GLIS1: variants seen among roughly 807,000 people sequenced by gnomAD.
GLIS1 encodes GLIS family zinc finger 1, also known as zinc finger protein GLIS1.
In GLIS1, 24 loss-of-function variants were observed where a neutral mutation model predicts 63.8. The ratio of observed to expected loss-of-function variants is 0.38; its 90% CI spans 0.27 to 0.53. The LOEUF (loss-of-function observed/expected upper bound fraction) is 0.53. Ranked by LOEUF, GLIS1 falls within the 20% of genes least tolerant of loss-of-function variation. GLIS1 has a pLI of 0.85. For synonymous variants in GLIS1, 450 were observed against 482.5 expected (o/e 0.93, Z 0.88); for missense variants, 1,036 against 1,074.1 (o/e 0.96, Z 0.50).
chr1:53,687,380 T>G (rs1162851716), intron 2 of GLIS1, among the ~76,000 whole-genome samples: 1 of 152,194 alleles, frequency 6.6e-6, no homozygotes, highest in Admixed American at 6.5e-5. Context: ...GTTCTTTCAC[T>G]AATTATTTAC....
At chr1:53,638,398 TC>T (rs34524087) in intron 2 of GLIS1, among the ~76,000 whole-genome samples, 74,514 of 151,928 alleles carry the variant, frequency 0.49, 21,511 homozygotes, top group Non-Finnish European at 0.63. Flanking sequence ...GGGGCAGGCC[TC>T]CCCCAGGCCA....
At chr1:53,673,435 G>A (rs751792424) in intron 2 of GLIS1, among the ~76,000 whole-genome samples, 24 of 152,248 alleles carry the variant, frequency 1.6e-4, no homozygotes, top group Non-Finnish European at 2.9e-4. Flanking sequence ...TAGGGGAACC[G>A]TGGTTTCAAG....
chr1:53,545,405 T>G (rs1367628521), intron 4 of GLIS1, among the ~76,000 whole-genome samples: 1 of 152,232 alleles, frequency 6.6e-6, no homozygotes, highest in Non-Finnish European at 1.5e-5. Context: ...ACTGTCATGC[T>G]TTTATTCAGT....
chr1:53,705,535 T>C (rs1646570447), intron 2 of GLIS1, among the ~76,000 whole-genome samples: 1 of 152,166 alleles, frequency 6.6e-6, no homozygotes, highest in Non-Finnish European at 1.5e-5. Context: ...GTAAGCTAGT[T>C]AGACGTCCTA....
chr1:53,694,245 C>T lies in GLIS1; in HGVS notation c.259+43561G>A, dbSNP rs1307693068. Reference sequence around the variant, plus strand: ...GGGGGTGGGCCCTCTAGGTGAGAAACGGCAGGGGCGCTGGGGGAGGGGTGA... The same window carrying T: ...GGGGGTGGGCCCTCTAGGTGAGAAATGGCAGGGGCGCTGGGGGAGGGGTGA... On this transcript the variant is annotated intron_variant, in intron 2 of 10. Transcript: ENST00000628545. Among the ~76,000 whole-genome samples, 12 of 151,936 alleles carry T rather than the reference C, an allele frequency of 7.9e-5. No individual in the cohort carries two copies. In the South Asian group the frequency reaches 1.2e-3, roughly 16 times the overall value.
intron 4 of GLIS1, among the ~76,000 whole-genome samples, chr1:53,541,204 G>A (rs768319328): frequency 1.2e-4 from 19 of 152,226 alleles, no homozygotes; most frequent in Non-Finnish European, 2.2e-4. Flanking sequence ...CGTCCCAGAC[G>A]CTCAGGGACA....
At chr1:53,600,944 G>A (rs1645311066) in intron 2 of GLIS1, among the ~76,000 whole-genome samples, 1 of 152,212 alleles carries the variant, frequency 6.6e-6, no homozygotes, top group Admixed American at 6.5e-5. Flanking sequence ...TGAAGCAGTT[G>A]ATGTGAAAGT....
chr1:53,584,034 G>A (rs1163281711), intron 4 of GLIS1, among the ~76,000 whole-genome samples: 1 of 152,188 alleles, frequency 6.6e-6, no homozygotes, highest in Admixed American at 6.5e-5. Flanking sequence ...TGGCAAGACT[G>A]GGTGCATGGT....
At chr1:53,620,345 C>G (rs1201552168) in intron 2 of GLIS1, among the ~76,000 whole-genome samples, 1 of 152,212 alleles carries the variant, frequency 6.6e-6, no homozygotes, top group African/African-American at 2.4e-5. Context: ...GATGCTCCAT[C>G]TGGTCAGAGG....
intron 2 of GLIS1, among the ~76,000 whole-genome samples, chr1:53,662,301 A>G (rs545346694): frequency 1.3e-5 from 2 of 152,320 alleles, no homozygotes; most frequent in South Asian, 4.1e-4. Flanking sequence ...CATTCGAAAC[A>G]GGCTTTCTGA....
intron 2 of GLIS1, among the ~76,000 whole-genome samples, chr1:53,687,166 T>G (rs1204603773): frequency 6.6e-6 from 1 of 152,168 alleles, no homozygotes. Flanking sequence ...AGAGAATCAC[T>G]GTGGGAGCAG....
intron 10 of GLIS1, among the ~76,000 whole-genome samples, chr1:53,508,328 C>G (rs1230306567): frequency 6.6e-6 from 1 of 152,206 alleles, no homozygotes; most frequent in Non-Finnish European, 1.5e-5. Flanking sequence ...CGGCTGAGGC[C>G]TCAGTGCTTG....
chr1:53,527,875 G>A (rs972518759), intron 5 of GLIS1, among the ~76,000 whole-genome samples: 4 of 152,202 alleles, frequency 2.6e-5, no homozygotes, highest in African/African-American at 9.6e-5. Context: ...GCTCATTCTG[G>A]GCCTGGCCTG....
chr1:53,587,292 G>A lies in GLIS1; in HGVS notation c.1320+6816C>T, dbSNP rs527817537. 3.3e-5 allele frequency among the ~76,000 whole-genome samples: 5 copies of A among 152,238 alleles called. No individual in the cohort carries two copies. The East Asian group carries it at 9.7e-4, about 29-fold the overall frequency. On this transcript the variant is annotated intron_variant, in intron 4 of 10. Coordinates refer to ENST00000628545, the MANE Select transcript of GLIS1 (RefSeq NM_001367484.1). The stretch of plus-strand genomic sequence containing the variant: ...CTTCAGCTTCCCCACCTAATAATGA[G>A]GGTAGACATGAGAAGTGACATGATC...
intron 2 of GLIS1, among the ~76,000 whole-genome samples, chr1:53,704,708 G>A (rs185878252): frequency 3.4e-4 from 52 of 152,312 alleles, no homozygotes; most frequent in African/African-American, 1.2e-3. Context: ...GGCCATCAGC[G>A]GGGCAGACCT....
At chr1:53,643,906 A>T (rs1306465016) in intron 2 of GLIS1, among the ~76,000 whole-genome samples, 1 of 152,192 alleles carries the variant, frequency 6.6e-6, no homozygotes, top group Non-Finnish European at 1.5e-5. Flanking sequence ...GAAGAGGAAG[A>T]TGAGGCTCGG....
chr1:53,735,070 C>T (rs1045932740), intron 2 of GLIS1, among the ~76,000 whole-genome samples: 4 of 152,190 alleles, frequency 2.6e-5, no homozygotes, highest in Admixed American at 6.5e-5. Flanking sequence ...CCACTCTCTT[C>T]CTCTGCTTAG....
At chr1:53,617,002 C>T (rs1645489560) in intron 2 of GLIS1, among the ~76,000 whole-genome samples, 1 of 152,032 alleles carries the variant, frequency 6.6e-6, no homozygotes, top group Non-Finnish European at 1.5e-5. Flanking sequence ...TTTCCCTGAC[C>T]AGCCCCACCC....
intron 2 of GLIS1, among the ~76,000 whole-genome samples, chr1:53,606,683 G>A (rs1321936939): frequency 2.0e-5 from 3 of 152,246 alleles, no homozygotes; most frequent in Non-Finnish European, 4.4e-5. Flanking sequence ...GGTGGACCGG[G>A]TTAGCTGAGA....
Sources: gnomAD v4.1 joint callset for allele counts (sites outside exome capture counted in the v4.1 genomes callset) on GRCh38, gnomAD v4.1.1 for gene constraint, MANE v1.5 for transcripts, NCBI Gene and HGNC (gene_info 2026-07-23, HGNC 2026-07-21) for gene names.